UNC13C: variants seen among roughly 807,000 people sequenced by gnomAD.
UNC13C encodes the protein protein unc-13 homolog C.
Under a neutral mutation model 245.4 loss-of-function variants are expected in UNC13C, and 174 were observed. The ratio of observed to expected loss-of-function variants is 0.71; its 90% CI spans 0.63 to 0.80. The LOEUF (loss-of-function observed/expected upper bound fraction) is 0.80, where lower values mean the gene tolerates loss of function less well. Ranked by LOEUF, UNC13C falls within the 30% of genes least tolerant of loss-of-function variation. The pLI is 0.00. For synonymous variants in UNC13C, 992 were observed against 895.1 expected (o/e 1.11, Z -1.93); for missense variants, 2,829 against 2,602.9 (o/e 1.09, Z -1.89).
intron 2 of UNC13C, among the ~76,000 whole-genome samples, chr15:54,111,919 C>G (rs1392665500): frequency 6.6e-6 from 1 of 152,084 alleles, no homozygotes; most frequent in East Asian, 1.9e-4. Context: ...TGGTGGCATG[C>G]AAAGTCTTTG....
At chr15:54,079,113 T>C (rs914745918) in intron 2 of UNC13C, among the ~76,000 whole-genome samples, 3 of 152,014 alleles carry the variant, frequency 2.0e-5, no homozygotes, top group Non-Finnish European at 4.4e-5. Flanking sequence ...AGAAGATCAG[T>C]TGGTTATAGG....
chr15:53,961,723 C>T, the UNC13C span, among the ~76,000 whole-genome samples: 1 of 152,202 alleles, frequency 6.6e-6, no homozygotes, highest in Admixed American at 6.5e-5. Context: ...GCTGTAACAA[C>T]ACAGACATTC....
intron 16 of UNC13C, among the ~76,000 whole-genome samples, chr15:54,336,157 T>C (rs981242480): frequency 3.9e-5 from 6 of 152,074 alleles, no homozygotes; most frequent in African/African-American, 1.4e-4. Context: ...TTAATTTTAA[T>C]TATTTTAAAT....
At chr15:54,069,441 G>A (rs542143676) in intron 2 of UNC13C, among the ~76,000 whole-genome samples, 68 of 152,126 alleles carry the variant, frequency 4.5e-4, no homozygotes, top group Non-Finnish European at 9.1e-4. Context: ...CACTGTCCAT[G>A]TTTTCCTAAC....
At chr15:54,305,007 T>C (rs2037689735) in intron 13 of UNC13C, among the ~76,000 whole-genome samples, 1 of 152,182 alleles carries the variant, frequency 6.6e-6, no homozygotes, top group East Asian at 1.9e-4. Context: ...GGAAAGAGAA[T>C]AGAATGGAAC....
At chr15:54,401,616 G>A (rs943923836) in intron 18 of UNC13C, among the ~76,000 whole-genome samples, 3 of 152,140 alleles carry the variant, frequency 2.0e-5, no homozygotes, top group Admixed American at 6.6e-5. Context: ...AGATCGCGTC[G>A]AGAGAGAAGA....
At chr15:54,404,331 C>T (rs1422109603) in intron 18 of UNC13C, among the ~76,000 whole-genome samples, 6 of 152,088 alleles carry the variant, frequency 3.9e-5, no homozygotes, top group Admixed American at 3.3e-4. Context: ...TTGGCAGTGG[C>T]AGATTATGTT....
intron 17 of UNC13C, among the ~76,000 whole-genome samples, chr15:54,379,096 T>C (rs2039666616): frequency 6.6e-6 from 1 of 152,214 alleles, no homozygotes; most frequent in South Asian, 2.1e-4. Flanking sequence ...TAATTACTCT[T>C]AAGACCACTA....
intron 18 of UNC13C, among the ~76,000 whole-genome samples, chr15:54,394,336 C>T (rs1010498427): frequency 3.3e-5 from 5 of 151,814 alleles, no homozygotes; most frequent in Admixed American, 2.6e-4. Flanking sequence ...CCTTTTCCCC[C>T]ACACCTAATT....
At chr15:54,595,269 G>T (rs1452226237) in intron 30 of UNC13C, among the ~76,000 whole-genome samples, 2 of 152,020 alleles carry the variant, frequency 1.3e-5, no homozygotes, top group Non-Finnish European at 2.9e-5. Context: ...GGACATGAAG[G>T]CAATAAGGAG....
intron 19 of UNC13C, among the ~76,000 whole-genome samples, chr15:54,456,092 C>T (rs1051585344): frequency 6.6e-6 from 1 of 152,126 alleles, no homozygotes; most frequent in Admixed American, 6.6e-5. Flanking sequence ...TGTGGCTTGC[C>T]AATTATCCCA....
chr15:53,906,273 T>C, the UNC13C span, among the ~76,000 whole-genome samples: 2 of 152,076 alleles, frequency 1.3e-5, no homozygotes, highest in Admixed American at 6.5e-5. Context: ...CTGCAGTGAA[T>C]TGTGACTGCA....
intron 13 of UNC13C, among the ~76,000 whole-genome samples, chr15:54,319,768 A>G (rs183514702): frequency 7.7e-4 from 112 of 145,308 alleles, no homozygotes; most frequent in Non-Finnish European, 1.4e-3. Flanking sequence ...AGAGCAAAAT[A>G]GGATCACATT....
chr15:54,264,189 A>G lies in UNC13C; in HGVS notation c.3470A>G (p.Lys1157Arg), dbSNP rs1388771298. The G allele has an allele frequency of 1.3e-6, 2 of 1,581,966 alleles. No individual in the cohort carries two copies. The highest frequency in any genetic ancestry group is 2.7e-5 in the African/African-American group (2 of 74,278). Residue 1157 changes from lysine to arginine, a missense_variant, in exon 9 of 33, where the codon AAA becomes AGA. By Grantham distance (26) the Lys-to-Arg change is conservative (BLOSUM62 2). Coordinates refer to ENST00000260323, the MANE Select transcript of UNC13C (RefSeq NM_001080534.3). ...CLQRAAEKSS[K>R]HGAEDKTQTI... is the part of the protein sequence containing the mutation. ...ATAGGAGCAGCAGAAAAGAGTTCTAAACATGGTGCCGAAGACAAGACTCAG... is the reference window on the plus strand; with the variant it reads ...ATAGGAGCAGCAGAAAAGAGTTCTAGACATGGTGCCGAAGACAAGACTCAG...
chr15:53,993,262 A>G (rs1418748960), intron 1 of UNC13C, among the ~76,000 whole-genome samples: 1 of 152,150 alleles, frequency 6.6e-6, no homozygotes, highest in Non-Finnish European at 1.5e-5. Flanking sequence ...CCAATCTCAC[A>G]GGAAACTCTG....
intron 4 of UNC13C, among the ~76,000 whole-genome samples, chr15:54,209,702 C>T (rs577144768): frequency 5.3e-5 from 8 of 152,230 alleles, no homozygotes; most frequent in African/African-American, 1.9e-4. Flanking sequence ...GTGTGAGCCA[C>T]CACACCAGGC....
At chr15:54,435,175 T>C (rs1034895218) in intron 19 of UNC13C, among the ~76,000 whole-genome samples, 2 of 152,092 alleles carry the variant, frequency 1.3e-5, no homozygotes. Flanking sequence ...AATGTGGCAA[T>C]TCCTCAAAGA....
intron 28 of UNC13C, among the ~76,000 whole-genome samples, chr15:54,553,404 A>G (rs1435942842): frequency 2.3e-5 from 3 of 129,198 alleles, no homozygotes; most frequent in Admixed American, 9.4e-5. Context: ...ATTATATTAT[A>G]TATTGTAATA....
intron 19 of UNC13C, among the ~76,000 whole-genome samples, chr15:54,492,693 T>A (rs2141084959): frequency 1.3e-5 from 2 of 152,314 alleles, no homozygotes; most frequent in East Asian, 1.9e-4. Context: ...ATCTGCTGCA[T>A]TTCTGCTATC....
Sources: gnomAD v4.1 joint callset for allele counts (sites outside exome capture counted in the v4.1 genomes callset) on GRCh38, gnomAD v4.1.1 for gene constraint, MANE v1.5 for transcripts, NCBI Gene and HGNC (gene_info 2026-07-23, HGNC 2026-07-21) for gene names.